The following ANK3 variants were observed in gnomAD, a reference collection of about 807,000 sequenced individuals.
The protein encoded by ANK3 is ankyrin 3.
In ANK3, 57 loss-of-function variants were observed where a neutral mutation model predicts 370.9. The ratio of observed to expected loss-of-function variants is 0.15; its 90% CI spans 0.12 to 0.19. The LOEUF is 0.19. Among genes scored for constraint, ANK3 ranks in the 10% least tolerant of loss-of-function variants. The pLI, the probability that ANK3 is intolerant of heterozygous loss-of-function variation, is 1.00. For missense variants in ANK3, 4,439 were observed against 5,302.1 expected (o/e 0.84, Z 5.06); for synonymous variants, 1,929 against 1,946.3 (o/e 0.99, Z 0.23).
At chr10:60,144,641 T>C (rs949037606) in intron 23 of ANK3, among the ~76,000 whole-genome samples, 2 of 152,166 alleles carry the variant, frequency 1.3e-5, no homozygotes, top group African/African-American at 4.8e-5. Flanking sequence ...AGAGATTTCC[T>C]ACACCATAAT....
chr10:60,280,078 C>T (rs1375279460), intron 1 of ANK3, among the ~76,000 whole-genome samples: 1 of 152,074 alleles, frequency 6.6e-6, no homozygotes, highest in Non-Finnish European at 1.5e-5. Flanking sequence ...TCTTTTTCTT[C>T]TTAGAGACAG....
intron 8 of ANK3, among the ~76,000 whole-genome samples, chr10:60,228,847 A>C (rs998265017): frequency 6.6e-6 from 1 of 152,204 alleles, no homozygotes. Context: ...CCACATAGCA[A>C]TTATCTAAAA....
intron 1 of ANK3, among the ~76,000 whole-genome samples, chr10:60,673,476 G>A (rs997435621): frequency 1.2e-4 from 18 of 151,856 alleles, no homozygotes; most frequent in East Asian, 1.9e-4. Context: ...TCAGCCTCCC[G>A]AGTAGCTGGG....
Position 60,557,145 on chromosome 10 carries a change from A to T in ANK3, c.96+58041T>A, listed in dbSNP as rs565021856. On this transcript the variant is annotated intron_variant, in intron 2 of 43. Coordinates refer to the ANK3 transcript ENST00000373827. ...ATGACCATTGATTCCACTCCTAGGTATATACCCAAAAGAACTGGAAACAGG... is the reference window on the plus strand; with the variant it reads ...ATGACCATTGATTCCACTCCTAGGTTTATACCCAAAAGAACTGGAAACAGG... 4.6e-5 allele frequency among the ~76,000 whole-genome samples: 7 copies of T among 152,330 alleles called. No homozygotes were observed. The East Asian group carries it at 1.3e-3, about 29-fold the overall frequency.
At chr10:60,590,713 CA>C (rs1314081334) in intron 2 of ANK3, among the ~76,000 whole-genome samples, 35 of 152,292 alleles carry the variant, frequency 2.3e-4, no homozygotes, top group Middle Eastern at 3.4e-3. Flanking sequence ...GTCCCTTCTA[CA>C]AAACAGCATA....
chr10:60,108,507 T>TA (rs1009208462), intron 27 of ANK3, among the ~76,000 whole-genome samples: 4 of 152,174 alleles, frequency 2.6e-5, no homozygotes, highest in Non-Finnish European at 5.9e-5. Flanking sequence ...TTCAATGCGG[T>TA]AAAATAATTC....
intron 2 of ANK3, among the ~76,000 whole-genome samples, chr10:60,562,875 A>G (rs1470796307): frequency 6.6e-6 from 1 of 152,228 alleles, no homozygotes; most frequent in Non-Finnish European, 1.5e-5. Context: ...TGTATGTGCT[A>G]ATCGTGCAAT....
intron 1 of ANK3, among the ~76,000 whole-genome samples, chr10:60,639,319 G>GA (rs1394353990): frequency 3.7e-4 from 52 of 141,970 alleles, no homozygotes; most frequent in African/African-American, 7.5e-4. Context: ...AGACCAAAAA[G>GA]AAAAAAAAAA....
At chr10:60,595,922 A>G (rs2077982428) in intron 2 of ANK3, among the ~76,000 whole-genome samples, 1 of 152,188 alleles carries the variant, frequency 6.6e-6, no homozygotes, top group Admixed American at 6.5e-5. Flanking sequence ...GATATTGCCA[A>G]CAAGAAAGTA....
intron 23 of ANK3, among the ~76,000 whole-genome samples, chr10:60,162,882 C>A (rs770632800): frequency 6.6e-6 from 1 of 152,048 alleles, no homozygotes; most frequent in Non-Finnish European, 1.5e-5. Context: ...ATCTATAGTT[C>A]TTTCGATCTG....
chr10:60,071,323 A>C lies in ANK3; in HGVS notation c.9558T>G (p.Pro3186=). 1 of 1,614,104 alleles carries C rather than the reference A, an allele frequency of 6.2e-7. No homozygotes were observed. The highest frequency in any genetic ancestry group is 8.5e-7 in the Non-Finnish European group (1 of 1,180,008). Residue 3186 remains proline (P), a synonymous_variant, in exon 37 of 44, where the codon CCT becomes CCG. Transcript: ENST00000280772. The stretch of plus-strand genomic sequence containing the variant: ...CTGGTATATAAGCTATGAGCGAGTC[A>C]GGTGTCTTAGATGTAAATTCATAAC... ...EVSYEFTSKT[P]DSLIAYIPGK... is the part of the protein sequence containing the mutation.
At chr10:60,103,156 T>A (rs1184058203) in intron 28 of ANK3, among the ~76,000 whole-genome samples, 2 of 152,114 alleles carry the variant, frequency 1.3e-5, no homozygotes, top group Non-Finnish European at 2.9e-5. Flanking sequence ...TTCACCATGT[T>A]GGCCAGGATG....
chr10:60,307,581 C>T (rs1336576676), intron 1 of ANK3, among the ~76,000 whole-genome samples: 1 of 151,934 alleles, frequency 6.6e-6, no homozygotes, highest in Non-Finnish European at 1.5e-5. Flanking sequence ...CTCAAGCAAT[C>T]CTCCTGCCTT....
intron 2 of ANK3, among the ~76,000 whole-genome samples, chr10:60,554,882 G>A (rs1361549856): frequency 6.6e-6 from 1 of 152,118 alleles, no homozygotes; most frequent in African/African-American, 2.4e-5. Flanking sequence ...AATATACTGT[G>A]TCACGTAAGA....
chr10:60,580,018 A>C (rs541167447), intron 2 of ANK3, among the ~76,000 whole-genome samples: 1 of 152,310 alleles, frequency 6.6e-6, no homozygotes, highest in South Asian at 2.1e-4. Flanking sequence ...CCTCATCAAC[A>C]TAAGTTAGCA....
chr10:60,550,219 A>G (rs1273643917), intron 2 of ANK3, among the ~76,000 whole-genome samples: 2 of 151,746 alleles, frequency 1.3e-5, no homozygotes, highest in African/African-American at 4.8e-5. Context: ...AATATATTGC[A>G]TATTTATGAT....
chr10:60,553,774 T>C (rs1185306132), intron 2 of ANK3, among the ~76,000 whole-genome samples: 2 of 152,168 alleles, frequency 1.3e-5, no homozygotes, highest in Non-Finnish European at 2.9e-5. Context: ...GATAGGTATA[T>C]ATTAGATAAA....
At chr10:60,581,266 C>G (rs780455007) in intron 2 of ANK3, among the ~76,000 whole-genome samples, 1 of 152,106 alleles carries the variant, frequency 6.6e-6, no homozygotes, top group Non-Finnish European at 1.5e-5. Flanking sequence ...GACATAGAAA[C>G]CTCAGCAGGC....
At chr10:60,532,760 C>A (rs1179030329) in intron 2 of ANK3, among the ~76,000 whole-genome samples, 1 of 151,998 alleles carries the variant, frequency 6.6e-6, no homozygotes, top group Non-Finnish European at 1.5e-5. Flanking sequence ...AGCATGCTGA[C>A]AAATATGATC....
Sources: allele counts gnomAD v4.1 joint callset (sites outside exome capture counted in the v4.1 genomes callset), GRCh38; gene constraint gnomAD v4.1.1; transcripts MANE v1.5; gene names NCBI Gene and HGNC (gene_info 2026-07-23, HGNC 2026-07-21).